The following PLOD1 variants were observed in gnomAD, a reference collection of about 807,000 sequenced individuals.
PLOD1 encodes the protein procollagen-lysine,2-oxoglutarate 5-dioxygenase 1, also known as lysine hydroxylase.
A neutral mutation model predicts 94.7 loss-of-function variants in PLOD1; 70 were observed. The ratio of observed to expected loss-of-function variants is 0.74; its 90% CI spans 0.61 to 0.90. The LOEUF is 0.90. Among genes scored for constraint, PLOD1 ranks in the 40% least tolerant of loss-of-function variants. The pLI is 0.00. For missense variants in PLOD1, 905 were observed against 972.7 expected, an observed-to-expected ratio of 0.93 and a Z score of 0.93; for synonymous variants, 417 against 400.2, an observed-to-expected ratio of 1.04 and a Z score of -0.50.
In PLOD1 at chr1:11,972,770, C is replaced by T. The variant is rs57350389; in HGVS notation, c.1903-102C>T. On this transcript the variant is annotated intron_variant, in intron 17 of 18. Transcript: ENST00000196061. This position sits in a 1 kb window ranked among gnomAD's most constrained non-coding sequence, Gnocchi z 4.6. ...GTAGACCTGGCCCCTGTAAGCTGAC[C>T]TGCAGCAGGCCAGACCAGGCCCCAT... The T allele has an allele frequency of 7.4e-7, 1 of 1,354,002 alleles. No individual in the cohort carries two copies. The highest frequency in any genetic ancestry group is 1.1e-6 in the Non-Finnish European group (1 of 945,622). 83.9% of individuals were successfully genotyped at this position (1,354,002 alleles called of 1,614,324 possible).
rs1553134578 is a variant in PLOD1 at position 11,954,833 on chromosome 1, C to T, written c.583C>T (p.Gln195Ter). 6.2e-7 allele frequency: 1 copy of T among 1,612,692 alleles called. No individual in the cohort carries two copies. Among genetic ancestry groups the T allele is most frequent in the Non-Finnish European group, 8.5e-7 (1 of 1,178,652 alleles). The change falls in exon 6 of 19, where the codon CAG (glutamine) becomes TAG (stop). Residue 195 changes from glutamine to a stop codon, truncating the protein, a stop_gained. Coordinates refer to ENST00000196061, the MANE Select transcript of PLOD1 (RefSeq NM_000302.4). LOFTEE classifies it high-confidence loss of function. ...KIFLDPEKRE[Q>*]INITLDHRCR... ...TCTGGTACCTTCTTTCCTGCAGGAGCAGATCAATATCACCCTGGACCACCG... is the reference window on the plus strand; with the variant it reads ...TCTGGTACCTTCTTTCCTGCAGGAGTAGATCAATATCACCCTGGACCACCG...
At position 11,960,734 on chromosome 1, in the gene PLOD1, G is replaced by A. The variant is rs370305686; in HGVS notation, c.1064G>A (p.Arg355Gln). 72 of 1,613,322 alleles carry A rather than the reference G, an allele frequency of 4.5e-5. 1 individual carries two copies. Among genetic ancestry groups the A allele is most frequent in the South Asian group, 6.6e-5 (6 of 91,064 alleles). Reference sequence around the variant, plus strand: ...GTGAAGCTGGTGGGCCCTGAGGTGCGGATGGCGAATGCAGATGCCAGGAAC... The same window carrying A: ...GTGAAGCTGGTGGGCCCTGAGGTGCAGATGGCGAATGCAGATGCCAGGAAC... ...QSVKLVGPEV[R>Q]MANADARNMG... The change falls in exon 10 of 19, where the codon CGG becomes CAG. Residue 355 changes from arginine to glutamine, a missense_variant. Physicochemically the swap from Arg to Gln is conservative, Grantham distance 43 (BLOSUM62 1). Coordinates refer to ENST00000196061, the MANE Select transcript of PLOD1 (RefSeq NM_000302.4).
At chr1:11,968,455 GT>G (rs1169661105) in intron 16 of PLOD1, among the ~76,000 whole-genome samples, 1 of 151,612 alleles carries the variant, frequency 6.6e-6, no homozygotes, top group African/African-American at 2.4e-5. Flanking sequence ...TCTCCTGACA[GT>G]TTTACAACAT....
chr1:11,955,737 C>T (rs1645733453), intron 6 of PLOD1, among the ~76,000 whole-genome samples: 1 of 152,082 alleles, frequency 6.6e-6, no homozygotes, highest in Non-Finnish European at 1.5e-5. Context: ...GATTCTCCTG[C>T]CTCAGCCTCC....
rs570916971 is a variant in PLOD1, at chr1:11,946,997, G to A, written c.77-979G>A. Among the ~76,000 whole-genome samples the A allele has an allele frequency of 9.9e-5, 15 of 152,228 alleles. No individual in the cohort carries two copies. In the South Asian group the frequency reaches 1.0e-3, roughly 11 times the overall value. ...AAACAACCAGCTCTCTGCTGGGCAC[G>A]GTGGCTCATGCCTGTAATCCTGGCA... On this transcript the variant is annotated intron_variant, in intron 1 of 18. Coordinates refer to ENST00000196061, the MANE Select transcript of PLOD1 (RefSeq NM_000302.4).
intron 1 of PLOD1, among the ~76,000 whole-genome samples, chr1:11,940,967 C>A (rs1379021627): frequency 6.6e-6 from 1 of 152,214 alleles, no homozygotes; most frequent in Non-Finnish European, 1.5e-5. Flanking sequence ...GGATGTTGGG[C>A]TCTTGGACAG....
chr1:11,969,504 A>T (rs1645845722), intron 16 of PLOD1, among the ~76,000 whole-genome samples: 1 of 152,174 alleles, frequency 6.6e-6, no homozygotes, highest in East Asian at 1.9e-4. Context: ...GGGCTGGCTG[A>T]TGCTTGTGCT....
rs1645797327 is a variant in PLOD1, at chr1:11,963,959, C to T, written c.1203-216C>T. The stretch of plus-strand genomic sequence containing the variant: ...CCCCAGGTTCTGATAGAGAAGGTGT[C>T]CTGCCCTGTCTGCTCCTGGCTGCCC... On this transcript the variant is annotated intron_variant, in intron 11 of 18. Coordinates refer to ENST00000196061, the MANE Select transcript of PLOD1 (RefSeq NM_000302.4). This position sits in a 1 kb window ranked among gnomAD's most constrained non-coding sequence, Gnocchi z 4.3. 6.6e-6 allele frequency among the ~76,000 whole-genome samples: 1 copy of T among 152,132 alleles called. No individual in the cohort carries two copies. The highest frequency in any genetic ancestry group is 2.4e-5 in the African/African-American group (1 of 41,424).
rs529774961 is a variant in PLOD1, at chr1:11,974,677, T to C, written c.2053T>C (p.Tyr685His). The change falls in exon 19 of 19, where the codon TAC (tyrosine) becomes CAC (histidine). Residue 685 changes from tyrosine (Y) to histidine (H), a missense_variant. Physicochemically the swap from Tyr to His is moderately conservative, Grantham distance 83 (BLOSUM62 2). Coordinates refer to ENST00000196061, the MANE Select transcript of PLOD1 (RefSeq NM_000302.4). ...GGGCGGGGGCTGTCGGTTCCTGCGC[T>C]ACAACTGTTCCATCCGAGCCCCAAG... ...YEGGGCRFLR[Y>H]NCSIRAPRKG... 1 of 1,613,880 alleles carries C rather than the reference T, an allele frequency of 6.2e-7. No individual in the cohort carries two copies. The highest frequency in any genetic ancestry group is 1.3e-5 in the African/African-American group (1 of 75,026).
At chr1:11,944,437 A>G (rs1398666423) in intron 1 of PLOD1, 2 of 820,322 alleles carry the variant, frequency 2.4e-6, no homozygotes, top group African/African-American at 3.6e-5. Flanking sequence ...ACACACACAC[A>G]CACACACACA....
At chr1:11,964,874 C>G in intron 13 of PLOD1, 89 bp downstream of exon 13, 1 of 1,398,474 alleles carries the variant, frequency 7.2e-7, no homozygotes, top group South Asian at 1.2e-5. Flanking sequence ...GGTGGGCCGC[C>G]TTGTCACCGT....
chr1:11,965,683 A>G, intron 14 of PLOD1, 90 bp downstream of exon 14: 1 of 815,218 alleles, frequency 1.2e-6, no homozygotes. Context: ...GTCTTACAAC[A>G]GCCAGGACCC....
intron 18 of PLOD1, 117 bp downstream of exon 18, chr1:11,973,114 C>A: frequency 2.6e-5 from 29 of 1,107,426 alleles, no homozygotes; most frequent in Middle Eastern, 4.7e-4. Flanking sequence ...GCCAGAGAAC[C>A]AGAAAAAAAA....
At chr1:11,974,429 C>T (rs544247055) in intron 18 of PLOD1, among the ~76,000 whole-genome samples, 92 of 152,178 alleles carry the variant, frequency 6.0e-4, no homozygotes, top group African/African-American at 2.2e-3. Context: ...GTGGTCCACC[C>T]GCCTTGGCCT....
chr1:11,953,666 C>T (rs1645718683), intron 5 of PLOD1, among the ~76,000 whole-genome samples: 1 of 151,482 alleles, frequency 6.6e-6, no homozygotes, highest in African/African-American at 2.4e-5. Flanking sequence ...GTGGTGGGTG[C>T]CTGTAATCCC....
intron 15 of PLOD1, 82 bp from the exon 16 acceptor site, chr1:11,966,905 C>T: frequency 1.1e-6 from 1 of 889,056 alleles, no homozygotes; most frequent in South Asian, 1.3e-5. Flanking sequence ...GGCTCCCTGG[C>T]TTGGGTGTGT....
Position 11,966,113 on chromosome 1 carries a change from C to A in PLOD1, c.1585-138C>A, listed in dbSNP as rs540462955. ...CACCTGTGCACCCAGACAACACACA[C>A]GCACCCAGTGGGTGCAGGTGAACAC... On this transcript the variant is annotated intron_variant, in intron 14 of 18. Transcript: ENST00000196061. The A allele has an allele frequency of 9.7e-6, 7 of 719,170 alleles. No homozygotes were observed. The Middle Eastern group carries it at 1.2e-3, about 121-fold the overall frequency. The allele number at this position is 719,170 out of a possible 1,614,324, so 44.5% of individuals were successfully genotyped here.
intron 5 of PLOD1, chr1:11,954,202 G>A (rs1280301529): frequency 6.7e-5 from 13 of 194,634 alleles, no homozygotes; most frequent in Non-Finnish European, 1.4e-4. Flanking sequence ...AGGTGCGGTG[G>A]CTCACACCTG....
In PLOD1 at chr1:11,974,751, G is replaced by A; in HGVS notation, c.2127G>A (p.Glu709=). Residue 709 remains glutamate (E), a synonymous_variant, in exon 19 of 19, where the codon GAG becomes GAA. Transcript: ENST00000196061. Reference sequence around the variant, plus strand: ...CTGGACGACTCACGCATTACCATGAGGGGCTCCCCACCACCAGGGGCACCC... The same window carrying A: ...CTGGACGACTCACGCATTACCATGAAGGGCTCCCCACCACCAGGGGCACCC... ...MHPGRLTHYH[E]GLPTTRGTRY... 2 of 1,614,106 alleles carry A rather than the reference G, an allele frequency of 1.2e-6. No homozygotes were observed. Among genetic ancestry groups the A allele is most frequent in the Non-Finnish European group, 1.7e-6 (2 of 1,179,974 alleles).
Sources: gnomAD v4.1 joint callset for allele counts (sites outside exome capture counted in the v4.1 genomes callset) on GRCh38, gnomAD v4.1.1 for gene constraint, Gnocchi (gnomAD v3.1) non-coding constraint, MANE v1.5 for transcripts, NCBI Gene and HGNC (gene_info 2026-07-23, HGNC 2026-07-21) for gene names.